The following THEMIS variants were observed in gnomAD, a reference collection of about 807,000 sequenced individuals.
THEMIS encodes thymocyte selection associated, also known as protein THEMIS.
A neutral mutation model predicts 52.6 loss-of-function variants in THEMIS; 37 were observed. The ratio of observed to expected loss-of-function variants is 0.70; its 90% confidence interval spans 0.54 to 0.93. The LOEUF (loss-of-function observed/expected upper bound fraction) is 0.93. Among genes scored for constraint, THEMIS ranks in the 40% least tolerant of loss-of-function variants. The pLI is 0.00. For synonymous variants in THEMIS, 292 were observed against 272.7 expected, an observed-to-expected ratio of 1.07 and a Z score of -0.70; for missense variants, 808 against 763.1, an observed-to-expected ratio of 1.06 and a Z score of -0.69.
chr6:127,720,668 C>T lies in THEMIS; in HGVS notation c.1759-845G>A, dbSNP rs911422415. ...AAGGATAGTATAATGGACAACTTTCCTGTAAAGTTTCTCCTGTAGACCATA... is the reference window on the plus strand; with the variant it reads ...AAGGATAGTATAATGGACAACTTTCTTGTAAAGTTTCTCCTGTAGACCATA... On this transcript the variant is annotated intron_variant, in intron 4 of 5. Transcript: ENST00000368248. 3.9e-5 allele frequency among the ~76,000 whole-genome samples: 6 copies of T among 152,030 alleles called. No homozygotes were observed. The East Asian group carries it at 1.2e-3, about 30-fold the overall frequency.
intron 1 of THEMIS, among the ~76,000 whole-genome samples, chr6:127,915,823 C>T (rs1186630904): frequency 1.3e-5 from 2 of 151,706 alleles, no homozygotes; most frequent in African/African-American, 2.4e-5. Flanking sequence ...CCCGTCTCTA[C>T]TAAAAATACA....
chr6:127,832,281 T>C (rs1778720902), intron 2 of THEMIS, among the ~76,000 whole-genome samples: 1 of 152,166 alleles, frequency 6.6e-6, no homozygotes, highest in Admixed American at 6.5e-5. Flanking sequence ...GATGTCTCTA[T>C]TGCAAGAAAA....
chr6:127,906,674 GA>G (rs1026467430), intron 1 of THEMIS, among the ~76,000 whole-genome samples: 3 of 151,508 alleles, frequency 2.0e-5, no homozygotes, highest in Non-Finnish European at 3.0e-5. Flanking sequence ...GTTCCTGTTG[GA>G]AAAAAAATAT....
At chr6:127,792,668 C>T (rs1241715445) in intron 4 of THEMIS, among the ~76,000 whole-genome samples, 1 of 152,150 alleles carries the variant, frequency 6.6e-6, no homozygotes, top group East Asian at 1.9e-4. Context: ...CCTGCCTATA[C>T]AGGCCACTCT....
chr6:127,697,555 C>T, the THEMIS span, among the ~76,000 whole-genome samples: 1 of 152,154 alleles, frequency 6.6e-6, no homozygotes, highest in Non-Finnish European at 1.5e-5. Flanking sequence ...TCCAAAGCTC[C>T]CTATTTTCTA....
At chr6:127,730,853 G>A (rs1032970050) in intron 4 of THEMIS, among the ~76,000 whole-genome samples, 1 of 152,124 alleles carries the variant, frequency 6.6e-6, no homozygotes, top group African/African-American at 2.4e-5. Flanking sequence ...CTACCAACAG[G>A]CACTTATCCT....
At chr6:127,845,481 T>C (rs138511653) in intron 2 of THEMIS, among the ~76,000 whole-genome samples, 2 of 151,940 alleles carry the variant, frequency 1.3e-5, no homozygotes, top group Non-Finnish European at 2.9e-5. Flanking sequence ...TCCCCGACAC[T>C]CAGGTCCACA....
intron 4 of THEMIS, among the ~76,000 whole-genome samples, chr6:127,809,362 C>A (rs1402220517): frequency 2.0e-5 from 3 of 151,938 alleles, no homozygotes; most frequent in Non-Finnish European, 2.9e-5. Flanking sequence ...GAAATATTTG[C>A]AAAATTTTTG....
At chr6:127,903,477 G>T (rs1781195235), upstream of THEMIS, among the ~76,000 whole-genome samples, 1 of 151,930 alleles carries the variant, frequency 6.6e-6, no homozygotes, top group African/African-American at 2.4e-5. Flanking sequence ...CAGTGGGAAA[G>T]AATGTTTTAT....
chr6:127,731,858 C>T (rs1238805938), intron 4 of THEMIS, among the ~76,000 whole-genome samples: 26 of 39,940 alleles, frequency 6.5e-4, no homozygotes, highest in Admixed American at 2.0e-3. Flanking sequence ...CCACCATGCC[C>T]GGCTAATTTT....
At chr6:127,761,144 G>A (rs575184134) in intron 4 of THEMIS, among the ~76,000 whole-genome samples, 6 of 152,176 alleles carry the variant, frequency 3.9e-5, no homozygotes, top group African/African-American at 1.4e-4. Context: ...TGCAAATTAT[G>A]ACCACAATGA....
chr6:127,701,356 C>T, the THEMIS span, among the ~76,000 whole-genome samples: 1 of 151,990 alleles, frequency 6.6e-6, no homozygotes, highest in Non-Finnish European at 1.5e-5. Context: ...CAAGCTGTTG[C>T]ATTTTTGTGT....
At chr6:127,866,490 A>T (rs1204211789) in intron 1 of THEMIS, among the ~76,000 whole-genome samples, 1 of 152,012 alleles carries the variant, frequency 6.6e-6, no homozygotes, top group Non-Finnish European at 1.5e-5. Context: ...AGAATGACAA[A>T]TATTTTAAAA....
chr6:127,796,203 A>G (rs1263569565), intron 4 of THEMIS, among the ~76,000 whole-genome samples: 1 of 152,140 alleles, frequency 6.6e-6, no homozygotes, highest in African/African-American at 2.4e-5. Flanking sequence ...TAAGCAAAAA[A>G]CTAATGTGGG....
chr6:127,850,496 T>A lies in THEMIS; in HGVS notation c.250+4534A>T, dbSNP rs1035895245. On this transcript the variant is annotated intron_variant, in intron 2 of 5. Transcript: ENST00000368248. ...GATATGGAACTGACCTAACTGTCCA[T>A]CAACCAACAAATGGATTAAAAAATG... Among the ~76,000 whole-genome samples, 10 of 151,804 alleles carry A rather than the reference T, an allele frequency of 6.6e-5. No homozygotes were observed. The Admixed American group carries it at 6.6e-4, about 10-fold the overall frequency.
intron 4 of THEMIS, among the ~76,000 whole-genome samples, chr6:127,733,503 G>A (rs925485221): frequency 3.3e-5 from 5 of 152,182 alleles, no homozygotes; most frequent in African/African-American, 1.2e-4. Flanking sequence ...CCCCTAGGTG[G>A]GGGTTCCAGC....
intron 1 of THEMIS, among the ~76,000 whole-genome samples, chr6:127,915,385 T>C (rs1041356872): frequency 6.6e-6 from 1 of 152,194 alleles, no homozygotes; most frequent in African/African-American, 2.4e-5. Context: ...GGCTTGGTAT[T>C]GACAGCTGAA....
chr6:127,703,035 GTTTTTTTTTTT>G, the THEMIS span, among the ~76,000 whole-genome samples: 14 of 82,382 alleles, frequency 1.7e-4, no homozygotes, highest in East Asian at 8.3e-4. Context: ...TTTAGAATGA[GTTTTTTTTTTT>G]TTTTTTTTTT....
At chr6:127,910,205 A>G (rs187092763) in intron 1 of THEMIS, among the ~76,000 whole-genome samples, 30 of 152,222 alleles carry the variant, frequency 2.0e-4, no homozygotes, top group Admixed American at 1.0e-3. Context: ...GTTATAGATG[A>G]TGTTTTTTTA....
Sources: gnomAD v4.1 joint callset for allele counts (sites outside exome capture counted in the v4.1 genomes callset) on GRCh38, gnomAD v4.1.1 for gene constraint, MANE v1.5 for transcripts, NCBI Gene and HGNC (gene_info 2026-07-23, HGNC 2026-07-21) for gene names.